KIAA0232: variants seen among roughly 807,000 people sequenced by gnomAD.
KIAA0232 encodes uncharacterized protein KIAA0232.
KIAA0232 carries 27 observed loss-of-function variants against 122.0 expected under a neutral mutation model. The observed-to-expected ratio is 0.22, with a 90% CI of 0.16 to 0.31. The LOEUF is 0.31. KIAA0232 is among the 10% of genes least tolerant of loss of function. KIAA0232 has a pLI of 1.00. For missense variants in KIAA0232, 1,551 were observed against 1,634.2 expected (o/e 0.95, Z 0.88); for synonymous variants, 613 against 587.6 (o/e 1.04, Z -0.63).
intron 4 of KIAA0232, among the ~76,000 whole-genome samples, chr4:6,850,540 A>G (rs1193135455): frequency 6.6e-6 from 1 of 152,126 alleles, no homozygotes; most frequent in Non-Finnish European, 1.5e-5. Context: ...ACATGATCTT[A>G]TAATGTCTTC....
rs1297673246 is a variant in KIAA0232 at position 6,874,298 on chromosome 4, A to G, written c.3911-2362A>G. On this transcript the variant is annotated intron_variant, in intron 8 of 9. Coordinates refer to ENST00000307659, the MANE Select transcript of KIAA0232 (RefSeq NM_014743.3). ...AGGGACTTGAGGAAATAGGGCACAG[A>G]CCATGTGACAGCTGGGGCTGCCTGC... Among the ~76,000 whole-genome samples, 3 of 152,230 alleles carry G rather than the reference A, an allele frequency of 2.0e-5. No homozygotes were observed. In the East Asian group the frequency reaches 5.8e-4, roughly 29 times the overall value.
At chr4:6,842,005 G>A in intron 3 of KIAA0232, 62 bp from the exon 4 acceptor site, 1 of 1,579,624 alleles carries the variant, frequency 6.3e-7, no homozygotes, top group Non-Finnish European at 8.6e-7. Flanking sequence ...GTGTGTGGTA[G>A]GTGGAACATA....
At chr4:6,839,320 A>G (rs1366282715) in intron 3 of KIAA0232, among the ~76,000 whole-genome samples, 10 of 152,242 alleles carry the variant, frequency 6.6e-5, no homozygotes, top group Admixed American at 6.5e-4. Context: ...GAATATGAAA[A>G]TAATTTCAGA....
intron 1 of KIAA0232, among the ~76,000 whole-genome samples, chr4:6,793,212 C>T (rs1577353658): frequency 2.0e-5 from 3 of 152,120 alleles, no homozygotes; most frequent in African/African-American, 7.2e-5. Flanking sequence ...AGTTTATCCA[C>T]TTGGGGACTT....
intron 3 of KIAA0232, among the ~76,000 whole-genome samples, chr4:6,837,508 G>T (rs1243192531): frequency 6.6e-6 from 1 of 152,242 alleles, no homozygotes; most frequent in South Asian, 2.1e-4. Flanking sequence ...TTCCTAGACG[G>T]GGTGGCGGCC....
intron 8 of KIAA0232, among the ~76,000 whole-genome samples, chr4:6,875,613 C>T (rs1445049625): frequency 2.0e-5 from 3 of 152,190 alleles, no homozygotes; most frequent in Non-Finnish European, 4.4e-5. Flanking sequence ...CAGCCTTGTC[C>T]TTTGGGGTGT....
chr4:6,799,719 G>A (rs980464157), intron 1 of KIAA0232, among the ~76,000 whole-genome samples: 15 of 151,904 alleles, frequency 9.9e-5, no homozygotes, highest in Non-Finnish European at 1.6e-4. Context: ...TTTTTGAGTC[G>A]GAGGCTCGCT....
intron 4 of KIAA0232, among the ~76,000 whole-genome samples, chr4:6,845,282 G>T (rs1300349390): frequency 6.6e-6 from 1 of 152,196 alleles, no homozygotes; most frequent in Non-Finnish European, 1.5e-5. Context: ...ACTTCAGCAG[G>T]GGCTGTGAGT....
chr4:6,875,160 G>A (rs943774567), intron 8 of KIAA0232, among the ~76,000 whole-genome samples: 6 of 152,182 alleles, frequency 3.9e-5, no homozygotes, highest in Admixed American at 1.3e-4. Flanking sequence ...CTCCCCAGCC[G>A]CCCTAGGGCA....
chr4:6,862,750 T>C lies in KIAA0232; in HGVS notation c.2368T>C (p.Ser790Pro), dbSNP rs200844434. The change falls in exon 7 of 10, where the codon TCC (serine) becomes CCC (proline). Residue 790 changes from serine (S) to proline (P), a missense_variant. This residue lies in a region of KIAA0232 where 1,108 missense variants were observed against 1,154.8 expected (regional missense o/e 0.96). Transcript: ENST00000307659. ...TTTCAAAAAAACATCTAAACTAGAA[T>C]CCGTCTGTGGTATTCAGCTAGAACA... Reference protein sequence around the residue: ...LVFKKTSKLESVCGIQLEQKT... With the variant: ...LVFKKTSKLEPVCGIQLEQKT... 21 of 1,612,760 alleles carry C rather than the reference T, an allele frequency of 1.3e-5. No individual in the cohort carries two copies. The highest frequency in any genetic ancestry group is 1.2e-5 in the Non-Finnish European group (14 of 1,179,752).
At chr4:6,800,861 G>A (rs138401886) in intron 1 of KIAA0232, among the ~76,000 whole-genome samples, 1 of 152,192 alleles carries the variant, frequency 6.6e-6, no homozygotes, top group Non-Finnish European at 1.5e-5. Context: ...GGTTATGTGA[G>A]GGGGGTGATA....
At chr4:6,793,735 A>C (rs1007395525) in intron 1 of KIAA0232, among the ~76,000 whole-genome samples, 3 of 152,216 alleles carry the variant, frequency 2.0e-5, no homozygotes, top group Admixed American at 6.5e-5. Context: ...AACACTGGTT[A>C]ACCGTTCTAA....
At chr4:6,803,050 GCA>G (rs1717457947) in intron 1 of KIAA0232, among the ~76,000 whole-genome samples, 1 of 149,798 alleles carries the variant, frequency 6.7e-6, no homozygotes, top group Non-Finnish European at 1.5e-5. Context: ...TTTGGTGGGT[GCA>G]TGCTTGTGGT....
chr4:6,851,322 C>T (rs1720271644), intron 4 of KIAA0232, among the ~76,000 whole-genome samples: 1 of 152,120 alleles, frequency 6.6e-6, no homozygotes, highest in African/African-American at 2.4e-5. Flanking sequence ...GCCAAATATC[C>T]TTCAGGAAGT....
At chr4:6,829,195 A>G (rs1433235460) in intron 3 of KIAA0232, among the ~76,000 whole-genome samples, 1 of 152,104 alleles carries the variant, frequency 6.6e-6, no homozygotes, top group Non-Finnish European at 1.5e-5. Context: ...CATTTATGGT[A>G]GTAGCATTGC....
At chr4:6,786,220 C>G (rs969024907) in intron 1 of KIAA0232, among the ~76,000 whole-genome samples, 4 of 152,182 alleles carry the variant, frequency 2.6e-5, no homozygotes, top group Non-Finnish European at 4.4e-5. Flanking sequence ...AAGTCAAAGT[C>G]TGTAATCAAC....
intron 8 of KIAA0232, 148 bp from the exon 9 acceptor site, chr4:6,876,512 G>T: frequency 1.8e-6 from 1 of 564,544 alleles, no homozygotes; most frequent in Non-Finnish European, 3.1e-6. Context: ...TGTGCTTTTA[G>T]TGACGACTTA....
chr4:6,837,859 C>T (rs76823191), intron 3 of KIAA0232, among the ~76,000 whole-genome samples: 4 of 150,776 alleles, frequency 2.7e-5, no homozygotes, highest in African/African-American at 7.3e-5. Context: ...GCCGAGATGG[C>T]GGCAGCACAG....
At chr4:6,819,388 T>C (rs530909884) in intron 2 of KIAA0232, among the ~76,000 whole-genome samples, 2 of 152,114 alleles carry the variant, frequency 1.3e-5, no homozygotes, top group Admixed American at 6.5e-5. Flanking sequence ...CCAGAATCTA[T>C]TGGAAACTTA....
Sources: gnomAD v4.1 joint callset for allele counts (sites outside exome capture counted in the v4.1 genomes callset) on GRCh38, gnomAD v4.1.1 for gene constraint, gnomAD v4.1.1 regional missense constraint, MANE v1.5 for transcripts, NCBI Gene and HGNC (gene_info 2026-07-23, HGNC 2026-07-21) for gene names.